The following EFHC2 variants were observed in gnomAD, a reference collection of about 807,000 sequenced individuals.
The protein encoded by EFHC2 is EF-hand domain containing 2.
Under a neutral mutation model 52.7 loss-of-function variants are expected in EFHC2, and 18 were observed. That is an observed-to-expected ratio of 0.34 (90% confidence interval 0.24 to 0.51). The LOEUF (loss-of-function observed/expected upper bound fraction) is 0.51. EFHC2 is among the 20% of genes least tolerant of loss of function. EFHC2 has a pLI of 0.97. For missense variants in EFHC2, 513 were observed against 562.5 expected (o/e 0.91, Z 0.89); for synonymous variants, 203 against 204.1 (o/e 0.99, Z 0.04).
chrX:44,267,300 C>T (rs888270728), intron 3 of EFHC2, among the ~76,000 whole-genome samples: 7 of 111,889 alleles, frequency 6.3e-5, no homozygotes, highest in Non-Finnish European at 9.4e-5. Context: ...CACATCTAAC[C>T]GAAAAGAGAG....
intron 8 of EFHC2, among the ~76,000 whole-genome samples, chrX:44,236,226 A>C (rs1181122527): frequency 2.7e-5 from 3 of 112,420 alleles, no homozygotes; most frequent in Non-Finnish European, 5.6e-5. Context: ...AGAATAGTCT[A>C]GTAGACTAAA....
chrX:44,312,752 C>T lies in EFHC2; in HGVS notation c.47G>A (p.Gly16Glu), dbSNP rs1423278359. 2.5e-6 allele frequency: 3 copies of T among 1,194,580 alleles called. No homozygotes were observed. Among genetic ancestry groups the T allele is most frequent in the East Asian group, 6.1e-5 (2 of 32,947 alleles). ...LPGNSFNRNV[G>E]KEKFHKSQHW... ...TTGGGATTTGTGAAACTTCTCCTTT[C>T]CCACCTGTGAACATAAGAGACAACA... The change falls in exon 2 of 15, where the codon GGA (glycine) becomes GAA (glutamate). Residue 16 changes from glycine (G) to glutamate (E), a missense_variant. Transcript: ENST00000420999.
At chrX:44,220,933 A>G (rs910492470) in intron 11 of EFHC2, among the ~76,000 whole-genome samples, 4 of 111,386 alleles carry the variant, frequency 3.6e-5, no homozygotes, top group African/African-American at 1.3e-4. Context: ...ACCAATTTAA[A>G]CTCCTATCAG....
chrX:44,297,260 T>C (rs2037832758), intron 2 of EFHC2, among the ~76,000 whole-genome samples: 1 of 111,560 alleles, frequency 9.0e-6, no homozygotes, highest in Non-Finnish European at 1.9e-5. Context: ...TTCTTTCTAC[T>C]ATACCAAAGA....
At position 44,288,327 on chromosome X, in the gene EFHC2, AG is replaced by A. The variant is rs1228282453; in HGVS notation, c.232-15492del. ...AAATCTATTGAAAATATTTCTTAAT[AG>A]GAAAATATGGTAACAGTTTACCCGC... On this transcript the variant is annotated intron_variant, in intron 2 of 14. Coordinates refer to ENST00000420999, the MANE Select transcript of EFHC2 (RefSeq NM_025184.4). Among the ~76,000 whole-genome samples, 8 of 111,297 alleles carry A rather than the reference AG, an allele frequency of 7.2e-5. No individual in the cohort carries two copies. The East Asian group carries it at 2.2e-3, about 31-fold the overall frequency.
chrX:44,165,501 G>T (rs1469302282), intron 13 of EFHC2, among the ~76,000 whole-genome samples: 1 of 111,867 alleles, frequency 8.9e-6, no homozygotes, highest in Non-Finnish European at 1.9e-5. Flanking sequence ...CAAAATGTAG[G>T]ACCATTATTT....
chrX:44,319,929 TTTTTTTTA>T (rs1300237734), intron 1 of EFHC2, among the ~76,000 whole-genome samples: 2 of 110,980 alleles, frequency 1.8e-5, no homozygotes, highest in East Asian at 2.8e-4. Flanking sequence ...ATTTTATTTA[TTTTTTTTA>T]TTTTTTTATT....
Position 44,149,609 on chromosome X carries a change from G to A in EFHC2, c.2149-713C>T, listed in dbSNP as rs753136160. On this transcript the variant is annotated intron_variant, in intron 14 of 14. Coordinates refer to ENST00000420999, the MANE Select transcript of EFHC2 (RefSeq NM_025184.4). ...CTGCTCACTGCAACCTCCAACTCCC[G>A]GGTTCAAGTGATTCTCATGCCTCAG... Among the ~76,000 whole-genome samples the A allele has an allele frequency of 1.3e-4, 14 of 111,222 alleles. No homozygotes were observed. In the South Asian group the frequency reaches 2.3e-3, roughly 18 times the overall value.
At chrX:44,264,785 C>A (rs1462953490) in intron 3 of EFHC2, among the ~76,000 whole-genome samples, 2 of 111,639 alleles carry the variant, frequency 1.8e-5, no homozygotes, top group African/African-American at 3.3e-5. Flanking sequence ...TTTAGTCTTC[C>A]ACGATAAATG....
chrX:44,251,096 G>C (rs1220456174), intron 4 of EFHC2, among the ~76,000 whole-genome samples: 1 of 105,389 alleles, frequency 9.5e-6, no homozygotes, highest in Non-Finnish European at 1.9e-5. Context: ...AAAATTAGCC[G>C]GGCGTGGTGG....
rs760095524 is a variant in EFHC2, at chrX:44,160,419, A to C, written c.2148+3503T>G. On this transcript the variant is annotated intron_variant, in intron 14 of 14. Coordinates refer to ENST00000420999, the MANE Select transcript of EFHC2 (RefSeq NM_025184.4). Reference sequence around the variant, plus strand: ...ATACTGCACCACATGTAGTCAGAACAATATTAATCCGTGAAATTTTTGTTC... The same window carrying C: ...ATACTGCACCACATGTAGTCAGAACCATATTAATCCGTGAAATTTTTGTTC... Among the ~76,000 whole-genome samples, 13 of 112,215 alleles carry C rather than the reference A, an allele frequency of 1.2e-4. No individual in the cohort carries two copies. The East Asian group carries it at 3.6e-3, about 31-fold the overall frequency.
chrX:44,314,305 C>T (rs898368648), intron 1 of EFHC2, among the ~76,000 whole-genome samples: 3 of 112,495 alleles, frequency 2.7e-5, no homozygotes, highest in Non-Finnish European at 5.6e-5. Flanking sequence ...CTGCCCAGGA[C>T]TGTATATAGC....
At chrX:44,156,292 A>C (rs1293521558) in intron 14 of EFHC2, among the ~76,000 whole-genome samples, 1 of 112,610 alleles carries the variant, frequency 8.9e-6, no homozygotes, top group East Asian at 2.8e-4. Context: ...AGGAATGGTT[A>C]ACAACCTTTT....
chrX:44,248,132 C>T (rs747515730), intron 7 of EFHC2, 140 bp downstream of exon 7: 5 of 519,208 alleles, frequency 9.6e-6, no homozygotes, highest in Non-Finnish European at 1.5e-5. Context: ...TATAAGACAA[C>T]AAACGGCTGG....
At chrX:44,189,333 G>C (rs1569279832) in intron 11 of EFHC2, among the ~76,000 whole-genome samples, 1 of 111,706 alleles carries the variant, frequency 9.0e-6, no homozygotes, top group Admixed American at 9.5e-5. Context: ...CTAAGGCCCA[G>C]AGAGCTTTAA....
At chrX:44,331,715 G>A (rs975418499) in intron 1 of EFHC2, among the ~76,000 whole-genome samples, 42 of 111,479 alleles carry the variant, frequency 3.8e-4, no homozygotes, top group Non-Finnish European at 7.5e-4. Flanking sequence ...CCAAGAGTTC[G>A]AGACCAGCCT....
At chrX:44,260,706 C>G (rs1033518953) in intron 4 of EFHC2, among the ~76,000 whole-genome samples, 5 of 111,765 alleles carry the variant, frequency 4.5e-5, no homozygotes, top group Admixed American at 1.9e-4. Context: ...ATCTTTCTAG[C>G]CAGAGTTAGA....
chrX:44,174,092 T>C (rs1195330865), intron 13 of EFHC2, among the ~76,000 whole-genome samples: 1 of 112,525 alleles, frequency 8.9e-6, no homozygotes, highest in Non-Finnish European at 1.9e-5. Flanking sequence ...GTGTGGTCTA[T>C]GGTCCCTGAC....
chrX:44,275,872 C>T (rs1224960223), intron 2 of EFHC2, among the ~76,000 whole-genome samples: 1 of 106,096 alleles, frequency 9.4e-6, no homozygotes, highest in Non-Finnish European at 1.9e-5. Context: ...CGAGATGGTG[C>T]CACTGCACTC....
Sources: gnomAD v4.1 joint callset for allele counts (sites outside exome capture counted in the v4.1 genomes callset) on GRCh38, gnomAD v4.1.1 for gene constraint, MANE v1.5 for transcripts, NCBI Gene and HGNC (gene_info 2026-07-23, HGNC 2026-07-21) for gene names.